Variants in GRID1 observed in about 807,000 individuals in gnomAD.
GRID1 encodes glutamate ionotropic receptor delta type subunit 1.
GRID1 carries 28 observed loss-of-function variants against 98.0 expected under a neutral mutation model. The ratio of observed to expected loss-of-function variants is 0.29; its 90% CI spans 0.21 to 0.39. GRID1 has a LOEUF of 0.39. Among genes scored for constraint, GRID1 ranks in the 10% least tolerant of loss-of-function variants. The pLI is 1.00. For missense variants in GRID1, 1,111 were observed against 1,340.5 expected, an observed-to-expected ratio of 0.83 and a Z score of 2.67; for synonymous variants, 553 against 538.5, an observed-to-expected ratio of 1.03 and a Z score of -0.37.
In GRID1 at chr10:85,838,239, C is replaced by G. The variant is rs1842928686; in HGVS notation, c.1233+16257G>C. Among the ~76,000 whole-genome samples the G allele has an allele frequency of 4.6e-5, 7 of 152,276 alleles. No homozygotes were observed. In the South Asian group the frequency reaches 1.5e-3, roughly 32 times the overall value. On this transcript the variant is annotated intron_variant, in intron 8 of 15. Transcript: ENST00000327946. Reference sequence around the variant, plus strand: ...TGGAACCAACTTGGTAAATATATTCCAGGATATCATCCATGAGAACTTCCC... The same window carrying G: ...TGGAACCAACTTGGTAAATATATTCGAGGATATCATCCATGAGAACTTCCC...
chr10:86,148,847 G>A (rs1589388202), intron 3 of GRID1, among the ~76,000 whole-genome samples: 1 of 152,194 alleles, frequency 6.6e-6, no homozygotes, highest in Non-Finnish European at 1.5e-5. Flanking sequence ...GGGGTGCACA[G>A]AATAAGCACA....
chr10:85,822,221 A>C (rs1160367544), intron 8 of GRID1, among the ~76,000 whole-genome samples: 1 of 152,222 alleles, frequency 6.6e-6, no homozygotes, highest in Non-Finnish European at 1.5e-5. Flanking sequence ...TCTGCACAGC[A>C]AAACAAACTA....
intron 2 of GRID1, among the ~76,000 whole-genome samples, chr10:86,282,582 G>C (rs889600300): frequency 6.6e-6 from 1 of 152,206 alleles, no homozygotes; most frequent in Admixed American, 6.5e-5. Context: ...TTGCATGTAA[G>C]TAAAGAGCGA....
At chr10:86,288,995 G>C (rs985811980) in intron 2 of GRID1, among the ~76,000 whole-genome samples, 8 of 152,266 alleles carry the variant, frequency 5.3e-5, no homozygotes, top group African/African-American at 1.9e-4. Flanking sequence ...GCTTCTATGT[G>C]AACAAAAATA....
chr10:85,766,913 G>A (rs1590222220), intron 8 of GRID1, among the ~76,000 whole-genome samples: 1 of 152,104 alleles, frequency 6.6e-6, no homozygotes, highest in East Asian at 1.9e-4. Context: ...CTTTGAAACT[G>A]CATACACTTC....
chr10:85,769,684 G>A (rs1194487499), intron 8 of GRID1, among the ~76,000 whole-genome samples: 1 of 152,164 alleles, frequency 6.6e-6, no homozygotes, highest in Admixed American at 6.5e-5. Flanking sequence ...CCTGCACCTG[G>A]CTCGGAGGGT....
chr10:86,328,739 C>T (rs1035379573), intron 2 of GRID1, among the ~76,000 whole-genome samples: 4 of 152,178 alleles, frequency 2.6e-5, no homozygotes, highest in Non-Finnish European at 5.9e-5. Context: ...AGCCTTGGAA[C>T]TCTATGTGTG....
chr10:86,364,115 C>G lies in GRID1; in HGVS notation c.80-19G>C, dbSNP rs1268588125. On this transcript the variant is annotated intron_variant, in intron 1 of 15. Transcript: ENST00000327946. Reference sequence around the variant, plus strand: ...ATGGCACCTGGAGGAGAGAAGGGATCAAGACCGGACCTGGACAAGAACCCT... The same window carrying G: ...ATGGCACCTGGAGGAGAGAAGGGATGAAGACCGGACCTGGACAAGAACCCT... The G allele has an allele frequency of 6.2e-7, 1 of 1,610,412 alleles. No individual in the cohort carries two copies. The highest frequency in any genetic ancestry group is 8.5e-7 in the Non-Finnish European group (1 of 1,177,700).
At chr10:85,974,538 C>G (rs1278844295) in intron 4 of GRID1, among the ~76,000 whole-genome samples, 1 of 152,182 alleles carries the variant, frequency 6.6e-6, no homozygotes, top group East Asian at 1.9e-4. Context: ...ATCTTGTTAT[C>G]TCTGACACAC....
intron 3 of GRID1, among the ~76,000 whole-genome samples, chr10:86,163,890 C>A (rs1564694271): frequency 6.6e-6 from 1 of 152,284 alleles, no homozygotes; most frequent in Non-Finnish European, 1.5e-5. Flanking sequence ...CCAGCACCCC[C>A]CGCTGGTATG....
intron 4 of GRID1, among the ~76,000 whole-genome samples, chr10:85,980,214 C>T (rs1291053008): frequency 1.3e-5 from 2 of 152,224 alleles, no homozygotes; most frequent in African/African-American, 4.8e-5. Flanking sequence ...GTGGGATTCC[C>T]CCATGCCCAT....
intron 2 of GRID1, among the ~76,000 whole-genome samples, chr10:86,255,449 T>G (rs2132051760): frequency 6.6e-6 from 1 of 152,258 alleles, no homozygotes; most frequent in East Asian, 1.9e-4. Context: ...CCCCTGACAC[T>G]CATATACTAG....
intron 4 of GRID1, among the ~76,000 whole-genome samples, chr10:85,964,920 C>A (rs1842317066): frequency 6.6e-6 from 1 of 152,082 alleles, no homozygotes; most frequent in Admixed American, 6.5e-5. Context: ...CCAGAATCTA[C>A]AAGGAGCTGA....
At position 85,723,076 on chromosome 10, in the gene GRID1, G is replaced by A. The variant is rs780305917; in HGVS notation, c.1924C>T (p.Leu642Phe). The change falls in exon 12 of 16, where the codon CTC becomes TTC. Residue 642 changes from leucine to phenylalanine, a missense_variant. Around this residue, in one of 3 missense-constraint regions of GRID1, gnomAD observed 762 missense variants for 869.1 expected, o/e 0.88. Coordinates refer to ENST00000327946, the MANE Select transcript of GRID1 (RefSeq NM_017551.3). ...IVMGSWWLFT[L>F]IVCSSYTANL... ...GCTGTGTAGGAGGAGCACACAATGAGCGTGAAGAGCCACCAGCTGCCCATC... is the reference window on the plus strand; with the variant it reads ...GCTGTGTAGGAGGAGCACACAATGAACGTGAAGAGCCACCAGCTGCCCATC... The A allele has an allele frequency of 2.5e-6, 4 of 1,612,514 alleles. No homozygotes were observed. Among genetic ancestry groups the A allele is most frequent in the Non-Finnish European group, 1.7e-6 (2 of 1,179,276 alleles).
intron 4 of GRID1, among the ~76,000 whole-genome samples, chr10:86,123,937 G>A (rs752817742): frequency 1.1e-4 from 16 of 152,178 alleles, no homozygotes; most frequent in Non-Finnish European, 2.1e-4. Flanking sequence ...CACACCAAGG[G>A]CCCATGCAGG....
intron 8 of GRID1, among the ~76,000 whole-genome samples, chr10:85,791,335 C>T (rs944999504): frequency 1.2e-4 from 18 of 152,164 alleles, no homozygotes; most frequent in African/African-American, 3.6e-4. Context: ...CCCTGACTGG[C>T]GCAATGCAGA....
intron 4 of GRID1, among the ~76,000 whole-genome samples, chr10:86,117,118 C>T (rs377299684): frequency 1.7e-3 from 259 of 151,228 alleles, no homozygotes; most frequent in African/African-American, 5.8e-3. Flanking sequence ...ACCACCATTA[C>T]CACAATCAGC....
chr10:86,358,004 G>A (rs1173265438), intron 2 of GRID1, among the ~76,000 whole-genome samples: 2 of 152,170 alleles, frequency 1.3e-5, no homozygotes, highest in African/African-American at 2.4e-5. Context: ...GGGTCCAAGC[G>A]GCAGCACCAA....
chr10:85,923,191 G>A (rs561350703), intron 4 of GRID1, among the ~76,000 whole-genome samples: 306 of 152,194 alleles, frequency 2.0e-3, no homozygotes, highest in African/African-American at 7.0e-3. Context: ...GATCCTTGAA[G>A]TCCAAGGCCC....
Sources: allele counts gnomAD v4.1 joint callset (sites outside exome capture counted in the v4.1 genomes callset), GRCh38; gene constraint gnomAD v4.1.1; regional missense constraint gnomAD v4.1.1; transcripts MANE v1.5; gene names NCBI Gene and HGNC (gene_info 2026-07-23, HGNC 2026-07-21).